The following SPATA6L variants were observed in gnomAD, a reference collection of about 807,000 sequenced individuals.
SPATA6L encodes spermatogenesis associated 6 like, also known as spermatogenesis associated 6-like protein.
In SPATA6L, 68 loss-of-function variants were observed where a neutral mutation model predicts 49.2. The observed-to-expected ratio is 1.38, with a 90% CI of 1.14 to 1.69. The LOEUF (loss-of-function observed/expected upper bound fraction) is 1.69, where lower values mean the gene tolerates loss of function less well. Ranked by LOEUF, SPATA6L falls within the 40% of genes most tolerant of loss-of-function variation. SPATA6L has a pLI of 0.00. For missense variants in SPATA6L, 668 were observed against 464.3 expected, an observed-to-expected ratio of 1.44 and a Z score of -4.03; for synonymous variants, 198 against 165.7, an observed-to-expected ratio of 1.19 and a Z score of -1.50.
chr9:4,605,311 A>C (rs141437494), intron 10 of SPATA6L, 36 bp downstream of exon 10: 2 of 1,485,194 alleles, frequency 1.3e-6, no homozygotes, highest in African/African-American at 2.8e-5. Context: ...CATATTATTT[A>C]GTGAGCAAAG....
At chr9:4,631,030 G>A (rs1420476315) in intron 4 of SPATA6L, among the ~76,000 whole-genome samples, 1 of 152,184 alleles carries the variant, frequency 6.6e-6, no homozygotes, top group Non-Finnish European at 1.5e-5. Flanking sequence ...ACTTTGCCCA[G>A]AGTGAAGGAA....
Position 4,635,399 on chromosome 9 carries a change from A to G in SPATA6L, c.227T>C (p.Met76Thr). 2 of 1,574,724 alleles carry G rather than the reference A, an allele frequency of 1.3e-6. No homozygotes were observed. The highest frequency in any genetic ancestry group is 1.2e-5 in the South Asian group (1 of 84,268). Residue 76 changes from methionine (M) to threonine (T), a missense_variant and splice_region_variant, in exon 4 of 12, where the codon ATG (methionine) becomes ACG (threonine). Physicochemically the swap from Met to Thr is moderately conservative, Grantham distance 81. Coordinates refer to ENST00000682582, the MANE Select transcript of SPATA6L (RefSeq NM_001353486.2). ...TTCGTAGTAGGCCAACTCATCCCAC[A>G]CTAGAAAGAAAATAGAAAAAGCATA... The part of the protein sequence containing the change: ...DPGAVVDLLE[M>T]WDELAYYEEN...
chr9:4,644,263 G>A (rs1204990018), intron 3 of SPATA6L, among the ~76,000 whole-genome samples: 1 of 149,762 alleles, frequency 6.7e-6, no homozygotes, highest in Non-Finnish European at 1.5e-5. Context: ...GCTACTGGGA[G>A]GCTGAGGCAG....
chr9:4,606,334 G>A (rs377218827), intron 9 of SPATA6L, among the ~76,000 whole-genome samples: 1 of 135,320 alleles, frequency 7.4e-6, no homozygotes, highest in East Asian at 2.7e-4. Flanking sequence ...TAGGCGCCAC[G>A]TCTGGGGGCA....
intron 3 of SPATA6L, among the ~76,000 whole-genome samples, chr9:4,645,521 G>T (rs1198056016): frequency 6.6e-6 from 1 of 152,066 alleles, no homozygotes; most frequent in Non-Finnish European, 1.5e-5. Flanking sequence ...GCTAGCTCAG[G>T]TCTCTCATCC....
chr9:4,629,769 GTATATA>G lies in SPATA6L; in HGVS notation c.352-607_352-602del, dbSNP rs35908661. The stretch of plus-strand genomic sequence containing the variant: ...GTGTTTTATATATGTGTGTGTGTGT[GTATATA>G]TATATATATATATATATATATATGC... On this transcript the variant is annotated intron_variant, in intron 4 of 11. Transcript: ENST00000682582. 5.4e-4 allele frequency among the ~76,000 whole-genome samples: 55 copies of G among 101,910 alleles called. No homozygotes were observed. The South Asian group carries it at 6.0e-3, about 11-fold the overall frequency. 66.9% of individuals were successfully genotyped at this position (101,910 alleles called of 152,430 possible). A position where few individuals can be genotyped will look rare whatever the true frequency, so the allele number is the denominator to read the frequency against.
intron 9 of SPATA6L, among the ~76,000 whole-genome samples, chr9:4,609,321 A>G (rs1056143149): frequency 8.5e-5 from 13 of 152,136 alleles, no homozygotes; most frequent in African/African-American, 3.1e-4. Flanking sequence ...TCTGATACCA[A>G]AGCCTGGCAG....
chr9:4,647,031 A>G (rs1466519355), intron 3 of SPATA6L, among the ~76,000 whole-genome samples: 5 of 152,086 alleles, frequency 3.3e-5, no homozygotes, highest in African/African-American at 1.2e-4. Flanking sequence ...GTTCACCTAT[A>G]TAACAAACCT....
intron 2 of SPATA6L, among the ~76,000 whole-genome samples, chr9:4,658,388 T>G (rs577403545): frequency 6.6e-6 from 1 of 152,330 alleles, no homozygotes; most frequent in Non-Finnish European, 1.5e-5. Context: ...TTTCACTACC[T>G]GCTGAAAGTA....
At chr9:4,622,768 A>G (rs1173704669) in intron 6 of SPATA6L, among the ~76,000 whole-genome samples, 1 of 152,234 alleles carries the variant, frequency 6.6e-6, no homozygotes, top group African/African-American at 2.4e-5. Flanking sequence ...GACACAAATT[A>G]TATTCCAACA....
rs1840125808 is a variant in SPATA6L at position 4,662,675 on chromosome 9, C to T, written c.40-639G>A. On this transcript the variant is annotated intron_variant, in intron 1 of 11. Coordinates refer to ENST00000682582, the MANE Select transcript of SPATA6L (RefSeq NM_001353486.2). The surrounding 1 kb of genome is among the most constrained non-coding windows in gnomAD (Gnocchi z 4.9). Reference sequence around the variant, plus strand: ...TGGACTTGAACCCGTCCTTCCTGGGCATCGCCCTGCGCTCCCTGCTGGCCA... The same window carrying T: ...TGGACTTGAACCCGTCCTTCCTGGGTATCGCCCTGCGCTCCCTGCTGGCCA... 3 of 1,600,450 alleles carry T rather than the reference C, an allele frequency of 1.9e-6. No homozygotes were observed. The highest frequency in any genetic ancestry group is 1.3e-5 in the African/African-American group (1 of 75,048).
chr9:4,663,184 T>C, intron 1 of SPATA6L: 1 of 1,614,148 alleles, frequency 6.2e-7, no homozygotes, highest in Non-Finnish European at 8.5e-7. Flanking sequence ...CTGGGCTACA[T>C]GCAGTACAGC....
At chr9:4,633,776 T>C (rs2130551445) in intron 4 of SPATA6L, 2 of 152,328 alleles carry the variant, frequency 1.3e-5, no homozygotes, top group Middle Eastern at 3.4e-3. Flanking sequence ...AATAAAACTT[T>C]TTGAGTAACA....
intron 2 of SPATA6L, among the ~76,000 whole-genome samples, chr9:4,656,493 GAA>G (rs1838252261): frequency 7.5e-6 from 1 of 134,196 alleles, no homozygotes; most frequent in Non-Finnish European, 1.5e-5. Context: ...AGGAAGGAAG[GAA>G]GGAAGGAAGG....
At chr9:4,644,771 C>T (rs905875326) in intron 3 of SPATA6L, among the ~76,000 whole-genome samples, 25 of 151,576 alleles carry the variant, frequency 1.6e-4, no homozygotes, top group African/African-American at 5.3e-4. Flanking sequence ...TACTGAAAGG[C>T]TATTTATGAG....
At chr9:4,658,478 C>G (rs903050192) in intron 2 of SPATA6L, among the ~76,000 whole-genome samples, 3 of 152,260 alleles carry the variant, frequency 2.0e-5, no homozygotes, top group Non-Finnish European at 4.4e-5. Context: ...ACAACTCATG[C>G]AAGAGGACAA....
intron 2 of SPATA6L, among the ~76,000 whole-genome samples, chr9:4,657,231 A>T (rs979032968): frequency 6.6e-6 from 1 of 152,188 alleles, no homozygotes; most frequent in African/African-American, 2.4e-5. Flanking sequence ...AAAGTGTCTC[A>T]TATAATCAAT....
At position 4,655,976 on chromosome 9, in the gene SPATA6L, T is replaced by C. The variant is rs1019844445; in HGVS notation, c.226+65A>G. 24 of 1,261,228 alleles carry C rather than the reference T, an allele frequency of 1.9e-5. No individual in the cohort carries two copies. The African/African-American group carries it at 3.5e-4, about 18-fold the overall frequency. 78.1% of individuals were successfully genotyped at this position (1,261,228 alleles called of 1,614,324 possible). ...TATCACAGTTTAGAAAAGAGCAGAG[T>C]TTTGAATCTGTGAATTACACACAAT... On this transcript the variant is annotated intron_variant, in intron 3 of 11. Transcript: ENST00000682582.
intron 9 of SPATA6L, among the ~76,000 whole-genome samples, chr9:4,612,489 T>C (rs1827000704): frequency 6.6e-6 from 1 of 152,308 alleles, no homozygotes; most frequent in East Asian, 1.9e-4. Flanking sequence ...TACCCACCCT[T>C]CAGAGTTCAG....
Sources: allele counts gnomAD v4.1 joint callset (sites outside exome capture counted in the v4.1 genomes callset), GRCh38; gene constraint gnomAD v4.1.1; non-coding constraint Gnocchi (gnomAD v3.1); transcripts MANE v1.5; gene names NCBI Gene and HGNC (gene_info 2026-07-23, HGNC 2026-07-21).